The following EYS variants were observed in gnomAD, a reference collection of about 807,000 sequenced individuals.
EYS encodes protein eyes shut homolog.
In EYS, 250 loss-of-function variants were observed where a neutral mutation model predicts 282.1. The observed-to-expected ratio is 0.89, with a 90% CI of 0.80 to 0.98. The LOEUF is 0.98. EYS is among the 50% of genes least tolerant of loss of function. The pLI, the probability that EYS is intolerant of heterozygous loss-of-function variation, is 0.00. For missense variants in EYS, 4,016 were observed against 3,709.0 expected (o/e 1.08, Z -2.15); for synonymous variants, 1,355 against 1,282.9 (o/e 1.06, Z -1.20).
intron 9 of EYS, among the ~76,000 whole-genome samples, chr6:65,348,242 T>C (rs995199312): frequency 6.6e-6 from 1 of 151,764 alleles, no homozygotes; most frequent in African/African-American, 2.4e-5. Flanking sequence ...CATTTGAGTA[T>C]ATACCTAGCA....
chr6:63,911,081 C>G (rs1001864267), intron 35 of EYS, among the ~76,000 whole-genome samples: 2 of 145,240 alleles, frequency 1.4e-5, no homozygotes, highest in Admixed American at 1.4e-4. Flanking sequence ...TATTGCTTAG[C>G]AAAGCAGAAA....
rs1011804273 is a variant in EYS, at chr6:64,311,426, T to G, written c.6079-4344A>C. ...ATTGTAGTCACGTGCTGCTGTGATT[T>G]CTCAAATATAGTTCTTATTATTAAT... On this transcript the variant is annotated intron_variant, in intron 29 of 42. Transcript: ENST00000503581. Among the ~76,000 whole-genome samples, 8 of 152,236 alleles carry G rather than the reference T, an allele frequency of 5.3e-5. No individual in the cohort carries two copies. The South Asian group carries it at 6.2e-4, about 12-fold the overall frequency.
At chr6:64,772,054 G>A (rs1773541123) in intron 22 of EYS, among the ~76,000 whole-genome samples, 1 of 151,524 alleles carries the variant, frequency 6.6e-6, no homozygotes. Context: ...TTTTTCACAT[G>A]GAATCCTTCT....
intron 35 of EYS, among the ~76,000 whole-genome samples, chr6:63,968,325 ATTC>A (rs1766400293): frequency 6.6e-6 from 1 of 152,154 alleles, no homozygotes; most frequent in Non-Finnish European, 1.5e-5. Flanking sequence ...GGCAAATACA[ATTC>A]TTTATTTTCG....
chr6:64,189,519 A>C (rs931734821), intron 31 of EYS, among the ~76,000 whole-genome samples: 1 of 152,200 alleles, frequency 6.6e-6, no homozygotes, highest in Non-Finnish European at 1.5e-5. Flanking sequence ...ACTGTGCTAC[A>C]CTATAGTACT....
intron 31 of EYS, among the ~76,000 whole-genome samples, chr6:64,143,356 T>TAAA (rs60699526): frequency 3.3e-5 from 3 of 89,796 alleles, no homozygotes; most frequent in Non-Finnish European, 4.5e-5. Flanking sequence ...TCATTTATTG[T>TAAA]AAAAAAAAAA....
chr6:64,491,000 T>C (rs1029138035), intron 26 of EYS, among the ~76,000 whole-genome samples: 4 of 150,690 alleles, frequency 2.7e-5, no homozygotes, highest in Non-Finnish European at 6.0e-5. Context: ...TTGCACAAAG[T>C]CTACAGAAAC....
At chr6:65,359,862 T>G (rs936230816) in intron 8 of EYS, among the ~76,000 whole-genome samples, 8 of 151,958 alleles carry the variant, frequency 5.3e-5, no homozygotes, top group Non-Finnish European at 7.4e-5. Context: ...GTAGCCTGGA[T>G]AGAATATTTG....
At chr6:65,372,585 T>C (rs1181142709) in intron 8 of EYS, among the ~76,000 whole-genome samples, 2 of 152,142 alleles carry the variant, frequency 1.3e-5, no homozygotes, top group African/African-American at 4.8e-5. Context: ...ATCTCTTCAA[T>C]AGTTTATACA....
intron 29 of EYS, among the ~76,000 whole-genome samples, chr6:64,384,533 A>T (rs1922952): frequency 1.8e-4 from 28 of 151,978 alleles, no homozygotes; most frequent in Middle Eastern, 3.4e-3. Context: ...ATATTTATTT[A>T]TTTCCATAAT....
chr6:64,914,005 T>C (rs1768085220), intron 15 of EYS, among the ~76,000 whole-genome samples: 1 of 152,120 alleles, frequency 6.6e-6, no homozygotes, highest in Non-Finnish European at 1.5e-5. Context: ...AAATACCACT[T>C]TGGCTAGTCA....
chr6:65,582,709 C>T (rs1247140364), intron 2 of EYS, among the ~76,000 whole-genome samples: 1 of 152,080 alleles, frequency 6.6e-6, no homozygotes, highest in African/African-American at 2.4e-5. Context: ...TTAGCCTATC[C>T]CAACAGAGGG....
At chr6:64,310,322 G>A (rs1418684967) in intron 29 of EYS, among the ~76,000 whole-genome samples, 3 of 152,050 alleles carry the variant, frequency 2.0e-5, no homozygotes, top group African/African-American at 7.2e-5. Flanking sequence ...GCAAAGACAT[G>A]GAATCAACCA....
At chr6:64,436,108 A>C in intron 28 of EYS, 66 bp downstream of exon 28, 7 of 897,490 alleles carry the variant, frequency 7.8e-6, no homozygotes, top group Non-Finnish European at 1.2e-5. Context: ...AATGACAAGT[A>C]CAATATTGTT....
At chr6:64,176,145 T>A (rs1270334883) in intron 31 of EYS, among the ~76,000 whole-genome samples, 1 of 151,894 alleles carries the variant, frequency 6.6e-6, no homozygotes, top group African/African-American at 2.4e-5. Flanking sequence ...GCAGGGTCCA[T>A]ATGGTCCAGT....
intron 2 of EYS, among the ~76,000 whole-genome samples, chr6:65,517,347 A>AAAAAAAAT (rs1303849302): frequency 3.3e-5 from 5 of 151,520 alleles, no homozygotes; most frequent in African/African-American, 1.2e-4. Context: ...ACAACAAAAA[A>AAAAAAAAT]AAAACAAAAG....
At chr6:64,347,623 A>C (rs1638702346) in intron 29 of EYS, among the ~76,000 whole-genome samples, 1 of 151,344 alleles carries the variant, frequency 6.6e-6, no homozygotes, top group Non-Finnish European at 1.5e-5. Flanking sequence ...TAGGCACTCC[A>C]ACATGATTTC....
intron 12 of EYS, among the ~76,000 whole-genome samples, chr6:65,271,128 T>TTATATATATATATATATATA (rs70999188): frequency 0.093 from 5,163 of 55,240 alleles, 948 homozygotes; most frequent in Non-Finnish European, 0.11. Flanking sequence ...AATCAATAGA[T>TTATATATATATATATATATA]TATATATATA....
At chr6:64,294,586 T>C (rs1768837206) in intron 30 of EYS, among the ~76,000 whole-genome samples, 1 of 152,164 alleles carries the variant, frequency 6.6e-6, no homozygotes, top group African/African-American at 2.4e-5. Flanking sequence ...AATAATCAAG[T>C]AAACGGAGCC....
Sources: allele counts gnomAD v4.1 joint callset (sites outside exome capture counted in the v4.1 genomes callset), GRCh38; gene constraint gnomAD v4.1.1; transcripts MANE v1.5; gene names NCBI Gene and HGNC (gene_info 2026-07-23, HGNC 2026-07-21).